The following MARCHF7 variants were observed in gnomAD, a reference collection of about 807,000 sequenced individuals.
MARCHF7 encodes E3 ubiquitin-protein ligase MARCHF7.
MARCHF7 carries 20 observed loss-of-function variants against 76.5 expected under a neutral mutation model. That is an observed-to-expected ratio of 0.26 (90% CI 0.18 to 0.38). The LOEUF is 0.38. MARCHF7 is among the 10% of genes least tolerant of loss of function. The pLI is 1.00. For missense variants in MARCHF7, 797 were observed against 812.9 expected (o/e 0.98, Z 0.24); for synonymous variants, 295 against 293.0 (o/e 1.01, Z -0.07).
chr2:159,740,735 T>C (rs988139975), intron 4 of MARCHF7, among the ~76,000 whole-genome samples: 2 of 152,230 alleles, frequency 1.3e-5, no homozygotes, highest in South Asian at 2.1e-4. Flanking sequence ...ATTTACAAAA[T>C]ATTCTCTAGG....
intron 3 of MARCHF7, among the ~76,000 whole-genome samples, chr2:159,718,017 A>G (rs1025977337): frequency 9.2e-5 from 14 of 152,250 alleles, no homozygotes; most frequent in Non-Finnish European, 1.6e-4. Context: ...TGTTTATATG[A>G]AAACCTTCAT....
At chr2:159,765,818 GGAGT>G (rs1249736149) in intron 11 of MARCHF7, among the ~76,000 whole-genome samples, 26 of 152,232 alleles carry the variant, frequency 1.7e-4, no homozygotes, top group African/African-American at 6.0e-4. Flanking sequence ...TGAAAAGAAA[GGAGT>G]CAGTGTGAAT....
intron 4 of MARCHF7, among the ~76,000 whole-genome samples, chr2:159,740,916 G>A (rs2357532): frequency 0.34 from 52,098 of 151,734 alleles, 9,080 homozygotes; most frequent in South Asian, 0.44. Context: ...AGTGCCTCAT[G>A]CCTGTAATCC....
At chr2:159,757,044 C>T (rs1385465469) in intron 8 of MARCHF7, among the ~76,000 whole-genome samples, 1 of 152,084 alleles carries the variant, frequency 6.6e-6, no homozygotes, top group Non-Finnish European at 1.5e-5. Context: ...TAGGTGCACA[C>T]CACCACCCCT....
intron 9 of MARCHF7, among the ~76,000 whole-genome samples, 176 bp downstream of exon 9, chr2:159,759,511 T>A (rs1706747690): frequency 6.6e-6 from 1 of 152,174 alleles, no homozygotes; most frequent in African/African-American, 2.4e-5. Flanking sequence ...TAATTTTTTT[T>A]TTTTTATTTT....
intron 6 of MARCHF7, 149 bp downstream of exon 6, chr2:159,746,086 T>C (rs1320400544): frequency 1.8e-6 from 1 of 569,108 alleles, no homozygotes; most frequent in Non-Finnish European, 2.9e-6. Context: ...CTAGTACTTG[T>C]TTTGACCTTA....
chr2:159,765,876 C>A (rs930569051), intron 11 of MARCHF7, among the ~76,000 whole-genome samples: 14 of 152,088 alleles, frequency 9.2e-5, no homozygotes, highest in Admixed American at 8.5e-4. Context: ...TCTTTCAGAT[C>A]CCTTAGGTTG....
intron 4 of MARCHF7, among the ~76,000 whole-genome samples, chr2:159,730,549 A>G (rs1702662549): frequency 6.6e-6 from 1 of 152,162 alleles, no homozygotes; most frequent in African/African-American, 2.4e-5. Context: ...TCTCTATTTT[A>G]TTTTAAACTG....
At chr2:159,723,800 T>C (rs183467187) in intron 3 of MARCHF7, among the ~76,000 whole-genome samples, 1 of 152,216 alleles carries the variant, frequency 6.6e-6, no homozygotes, top group African/African-American at 2.4e-5. Flanking sequence ...ATTTTTAAAA[T>C]TGCCTTTTCT....
At chr2:159,734,081 CAG>C in intron 4 of MARCHF7, 1 of 1,340,424 alleles carries the variant, frequency 7.5e-7, no homozygotes, top group Non-Finnish European at 9.8e-7. Context: ...TCTTTAGTAA[CAG>C]TAAGCAAAAT....
intron 4 of MARCHF7, among the ~76,000 whole-genome samples, chr2:159,730,143 C>G (rs1220993074): frequency 6.6e-6 from 1 of 152,184 alleles, no homozygotes; most frequent in Non-Finnish European, 1.5e-5. Context: ...TCAAATGACT[C>G]TCCCACCTCA....
chr2:159,713,513 C>G (rs1234303322), intron 1 of MARCHF7, among the ~76,000 whole-genome samples: 1 of 152,118 alleles, frequency 6.6e-6, no homozygotes, highest in African/African-American at 2.4e-5. Flanking sequence ...GATTGATTAG[C>G]TATTTTTCTG....
chr2:159,747,368 T>TA (rs976202369), intron 6 of MARCHF7, among the ~76,000 whole-genome samples: 48 of 151,578 alleles, frequency 3.2e-4, no homozygotes, highest in South Asian at 2.5e-3. Flanking sequence ...TTGCACAGAG[T>TA]AAAAAAAAAT....
chr2:159,744,987 A>G (rs1437315835), intron 5 of MARCHF7, among the ~76,000 whole-genome samples: 2 of 152,250 alleles, frequency 1.3e-5, no homozygotes, highest in Non-Finnish European at 2.9e-5. Context: ...AGAATAAAAA[A>G]TCAAGCAACT....
At chr2:159,761,769 C>A (rs1297634464) in intron 9 of MARCHF7, among the ~76,000 whole-genome samples, 1 of 152,120 alleles carries the variant, frequency 6.6e-6, no homozygotes, top group Non-Finnish European at 1.5e-5. Flanking sequence ...GAAGTTGGTA[C>A]TAAGAACATA....
rs186452427 is a variant in MARCHF7 at position 159,758,165 on chromosome 2, T to C, written c.1784-1061T>C. On this transcript the variant is annotated intron_variant, in intron 8 of 11. Transcript: ENST00000409175. ...ATCTACCCTAATTTTAAGGCCATTT[T>C]CCCATTTGAAACCCTCTCTAAATAT... is the stretch of plus-strand genomic sequence containing the variant. 5.1e-4 allele frequency among the ~76,000 whole-genome samples: 77 copies of C among 152,284 alleles called. No homozygotes were observed. The East Asian group carries it at 9.4e-3, about 19-fold the overall frequency.
chr2:159,763,780 A>G (rs866765447), intron 10 of MARCHF7, among the ~76,000 whole-genome samples: 9 of 152,200 alleles, frequency 5.9e-5, no homozygotes, highest in Non-Finnish European at 1.0e-4. Flanking sequence ...CTGCAATTCA[A>G]TGTATGTAAT....
At chr2:159,743,641 T>C (rs1239068377) in intron 5 of MARCHF7, among the ~76,000 whole-genome samples, 2 of 152,112 alleles carry the variant, frequency 1.3e-5, no homozygotes, top group Admixed American at 6.6e-5. Flanking sequence ...GTACATAATA[T>C]TTATTTTCAG....
At chr2:159,718,894 A>G (rs1343445695) in intron 3 of MARCHF7, among the ~76,000 whole-genome samples, 34 of 152,214 alleles carry the variant, frequency 2.2e-4, no homozygotes, top group Admixed American at 2.2e-3. Context: ...CAGTAAATAA[A>G]TCAGTGTATG....
Sources: allele counts gnomAD v4.1 joint callset (sites outside exome capture counted in the v4.1 genomes callset), GRCh38; gene constraint gnomAD v4.1.1; transcripts MANE v1.5; gene names NCBI Gene and HGNC (gene_info 2026-07-23, HGNC 2026-07-21).